HEATR5A: variants seen among roughly 807,000 people sequenced by gnomAD.
HEATR5A encodes HEAT repeat containing 5A.
Under a neutral mutation model 218.8 loss-of-function variants are expected in HEATR5A, and 178 were observed. The ratio of observed to expected loss-of-function variants is 0.81; its 90% CI spans 0.72 to 0.92. The LOEUF is 0.92. Ranked by LOEUF, HEATR5A falls within the 40% of genes least tolerant of loss-of-function variation. The pLI, the probability that HEATR5A is intolerant of heterozygous loss-of-function variation, is 0.00. For synonymous variants in HEATR5A, 864 were observed against 871.6 expected (o/e 0.99, Z 0.15); for missense variants, 2,420 against 2,418.9 (o/e 1.00, Z -0.01).
At chr14:31,404,017 A>G (rs188466762) in intron 1 of HEATR5A, among the ~76,000 whole-genome samples, 1 of 152,388 alleles carries the variant, frequency 6.6e-6, no homozygotes, top group Non-Finnish European at 1.5e-5. Context: ...ACAGCCGAAT[A>G]CAGGTAGTGG....
chr14:31,293,390 C>G lies in HEATR5A; in HGVS notation c.6056G>C (p.Ser2019Thr). 1.9e-6 allele frequency: 3 copies of G among 1,613,898 alleles called. No individual in the cohort carries two copies. The highest frequency in any genetic ancestry group is 2.5e-6 in the Non-Finnish European group (3 of 1,179,808). Reference protein sequence around the residue: ...LEAAIKGNQESVKVKIPTSKY... With the variant: ...LEAAIKGNQETVKVKIPTSKY... ...AGATGTTGGTATCTTGACTTTGACA[C>G]TTTCCTGATTGCCCTTTATAGCAGC... is the stretch of plus-strand genomic sequence containing the variant. The change falls in exon 36 of 36, where the codon AGT (serine) becomes ACT (threonine). Residue 2019 changes from serine to threonine, a missense_variant. Coordinates refer to ENST00000543095, the MANE Select transcript of HEATR5A (RefSeq NM_015473.4).
At chr14:31,312,922 G>T in intron 28 of HEATR5A, 46 bp downstream of exon 28, 1 of 1,376,980 alleles carries the variant, frequency 7.3e-7, no homozygotes, top group Non-Finnish European at 1.0e-6. Flanking sequence ...AAAAGAAAAT[G>T]TGTTACTGTC....
intron 21 of HEATR5A, among the ~76,000 whole-genome samples, chr14:31,337,966 T>A (rs1230805093): frequency 6.6e-6 from 1 of 152,210 alleles, no homozygotes; most frequent in African/African-American, 2.4e-5. Flanking sequence ...TTTGTGTTCA[T>A]GCAACTATAT....
chr14:31,393,248 G>A lies in HEATR5A; in HGVS notation c.772+804C>T, dbSNP rs147411064. On this transcript the variant is annotated intron_variant, in intron 6 of 35. Coordinates refer to ENST00000543095, the MANE Select transcript of HEATR5A (RefSeq NM_015473.4). ...CCATGGCTGGGGGGTGGTGGCTCACGCCTGTAATCCCAGCACTTTGGGAGG... is the reference window on the plus strand; with the variant it reads ...CCATGGCTGGGGGGTGGTGGCTCACACCTGTAATCCCAGCACTTTGGGAGG... 5.7e-4 allele frequency among the ~76,000 whole-genome samples: 87 copies of A among 152,302 alleles called. No individual in the cohort carries two copies. In the East Asian group the frequency reaches 7.9e-3, roughly 14 times the overall value.
Position 31,380,236 on chromosome 14 carries a change from T to G in HEATR5A, c.1708+231A>C, listed in dbSNP as rs370913259. Among the ~76,000 whole-genome samples the G allele has an allele frequency of 2.8e-4, 43 of 152,322 alleles. No individual in the cohort carries two copies. The South Asian group carries it at 3.5e-3, about 12-fold the overall frequency. On this transcript the variant is annotated intron_variant, in intron 11 of 35. Transcript: ENST00000543095. ...GATTAGTAACTCGGCTTATCCTACT[T>G]GAGGCTTATCATCTAGCCCGGAAGA... is the stretch of plus-strand genomic sequence containing the variant.
chr14:31,306,324 T>C (rs112728168), intron 31 of HEATR5A, among the ~76,000 whole-genome samples: 2 of 151,844 alleles, frequency 1.3e-5, no homozygotes, highest in African/African-American at 4.8e-5. Context: ...TAATAAAAAA[T>C]ACGAAAAAAT....
At chr14:31,413,481 A>G (rs1242218009) in intron 1 of HEATR5A, among the ~76,000 whole-genome samples, 1 of 149,654 alleles carries the variant, frequency 6.7e-6, no homozygotes, top group East Asian at 2.0e-4. Context: ...TGCCAGTGGG[A>G]GCCCTAATTG....
chr14:31,404,925 G>A (rs1256479740), intron 1 of HEATR5A, among the ~76,000 whole-genome samples: 3 of 148,886 alleles, frequency 2.0e-5, no homozygotes, highest in Non-Finnish European at 4.5e-5. Context: ...ATAAAAAAAA[G>A]AAAAAATCTG....
chr14:31,358,047 T>G (rs569827299), intron 16 of HEATR5A, among the ~76,000 whole-genome samples: 1 of 152,282 alleles, frequency 6.6e-6, no homozygotes, highest in Non-Finnish European at 1.5e-5. Context: ...TTGTCAACTG[T>G]GCATGTGAGG....
chr14:31,304,460 C>G (rs903032190), intron 32 of HEATR5A, among the ~76,000 whole-genome samples: 2 of 152,026 alleles, frequency 1.3e-5, no homozygotes, highest in Admixed American at 6.6e-5. Flanking sequence ...TCTTGTTGCC[C>G]AGGCTGGAGT....
chr14:31,398,843 AG>A (rs1404890862), intron 3 of HEATR5A, 62 bp from the exon 4 acceptor site: 1 of 864,150 alleles, frequency 1.2e-6, no homozygotes, highest in Non-Finnish European at 1.8e-6. Flanking sequence ...AAAAGATCTT[AG>A]GATATGTAAG....
At chr14:31,320,542 A>G (rs1900060620) in intron 25 of HEATR5A, 4 of 1,031,202 alleles carry the variant, frequency 3.9e-6, no homozygotes, top group Non-Finnish European at 6.0e-6. Flanking sequence ...TCTCTGGGCT[A>G]TTCAAGGAGA....
intron 11 of HEATR5A, among the ~76,000 whole-genome samples, chr14:31,377,914 T>C (rs1019637147): frequency 2.6e-5 from 4 of 152,240 alleles, no homozygotes; most frequent in Admixed American, 2.0e-4. Context: ...CCTTTTTGTA[T>C]GCTGATTATG....
chr14:31,337,670 A>G, intron 21 of HEATR5A, 56 bp from the exon 22 acceptor site: 1 of 1,489,398 alleles, frequency 6.7e-7, no homozygotes, highest in East Asian at 2.4e-5. Context: ...GCACTCAGTG[A>G]GTCTAATAGA....
chr14:31,300,475 G>C (rs1899334235), intron 33 of HEATR5A, among the ~76,000 whole-genome samples: 1 of 151,968 alleles, frequency 6.6e-6, no homozygotes, highest in Middle Eastern at 3.2e-3. Flanking sequence ...GAAGCCTCTA[G>C]TGGTGGATAC....
intron 13 of HEATR5A, among the ~76,000 whole-genome samples, chr14:31,365,462 G>A (rs1215716148): frequency 6.6e-6 from 1 of 152,080 alleles, no homozygotes. Context: ...CTGGGTTCAA[G>A]TCATTTTCCT....
chr14:31,304,546 T>C (rs2139135511), intron 32 of HEATR5A, among the ~76,000 whole-genome samples: 1 of 152,156 alleles, frequency 6.6e-6, no homozygotes, highest in East Asian at 1.9e-4. Flanking sequence ...GCCTCTTGAG[T>C]AGCTGGGATT....
chr14:31,302,251 A>C, intron 33 of HEATR5A, 44 bp downstream of exon 33: 1 of 1,397,796 alleles, frequency 7.2e-7, no homozygotes, highest in African/African-American at 1.4e-5. Flanking sequence ...TCTTCTTCTC[A>C]CTTTTTAAGA....
At chr14:31,365,699 C>T (rs559129646) in intron 13 of HEATR5A, among the ~76,000 whole-genome samples, 1 of 151,956 alleles carries the variant, frequency 6.6e-6, no homozygotes, top group South Asian at 2.1e-4. Flanking sequence ...GGGTCTTGCT[C>T]TGTCGCCCAG....
Sources: gnomAD v4.1 joint callset for allele counts (sites outside exome capture counted in the v4.1 genomes callset) on GRCh38, gnomAD v4.1.1 for gene constraint, MANE v1.5 for transcripts, NCBI Gene and HGNC (gene_info 2026-07-23, HGNC 2026-07-21) for gene names.